Variants in ERLIN1 observed in about 807,000 individuals in gnomAD.
ERLIN1 encodes erlin-1.
A neutral mutation model predicts 46.9 loss-of-function variants in ERLIN1; 24 were observed. The observed-to-expected ratio is 0.51, with a 90% CI of 0.37 to 0.72. ERLIN1 has a LOEUF of 0.72. Ranked by LOEUF, ERLIN1 falls within the 30% of genes least tolerant of loss-of-function variation. The pLI, the probability that ERLIN1 is intolerant of heterozygous loss-of-function variation, is 0.00. For missense variants in ERLIN1, 293 were observed against 417.9 expected (o/e 0.70, Z 2.61); for synonymous variants, 158 against 143.2 (o/e 1.10, Z -0.74).
chr10:100,176,114 C>T (rs1844284391), intron 4 of ERLIN1, 44 bp from the exon 5 acceptor site: 1 of 1,563,856 alleles, frequency 6.4e-7, no homozygotes, highest in Admixed American at 1.8e-5. Context: ...CCAACAATGA[C>T]ACAGGTACCT....
In ERLIN1 at chr10:100,183,812, T is replaced by C; in HGVS notation, c.139A>G (p.Ser47Gly). The C allele has an allele frequency of 6.2e-7, 1 of 1,613,512 alleles. No homozygotes were observed. Among genetic ancestry groups the C allele is most frequent in the African/African-American group, 1.3e-5 (1 of 75,026 alleles). ...YRGGALLTSP[S>G]GPGYHIMLPF... ...AACATGATATGATAGCCTGGTCCAC[T>C]GGGGCTAGTTAGTAAAGCTCCTCCC... is the stretch of plus-strand genomic sequence containing the variant. The change falls in exon 2 of 11, where the codon AGT becomes GGT. Residue 47 changes from serine (S) to glycine (G), a missense_variant. Physicochemically the swap from Ser to Gly is moderately conservative, Grantham distance 56. Coordinates refer to ENST00000421367, the MANE Select transcript of ERLIN1 (RefSeq NM_006459.4).
chr10:100,152,521 C>T (rs1005451024), intron 10 of ERLIN1, among the ~76,000 whole-genome samples, 169 bp from the exon 11 acceptor site: 1 of 152,186 alleles, frequency 6.6e-6, no homozygotes, highest in South Asian at 2.1e-4. Context: ...TTAACAGCTG[C>T]GTTCCTGACT....
At chr10:100,171,400 T>C (rs531060782) in intron 6 of ERLIN1, among the ~76,000 whole-genome samples, 6 of 151,398 alleles carry the variant, frequency 4.0e-5, no homozygotes, top group Non-Finnish European at 8.8e-5. Flanking sequence ...GTTCTCTATA[T>C]ACAAATGCTA....
intron 2 of ERLIN1, among the ~76,000 whole-genome samples, chr10:100,181,617 C>T (rs1164364251): frequency 2.0e-5 from 3 of 149,768 alleles, no homozygotes; most frequent in Admixed American, 6.7e-5. Flanking sequence ...CAGGTTCAAG[C>T]GATTCTCCTG....
intron 6 of ERLIN1, among the ~76,000 whole-genome samples, chr10:100,168,219 G>A (rs1843756942): frequency 6.6e-6 from 1 of 152,136 alleles, no homozygotes; most frequent in Non-Finnish European, 1.5e-5. Flanking sequence ...ACACTTTGCT[G>A]GTCTGAAGAA....
chr10:100,175,502 G>C (rs1363848903), intron 5 of ERLIN1, among the ~76,000 whole-genome samples: 1 of 152,162 alleles, frequency 6.6e-6, no homozygotes, highest in Non-Finnish European at 1.5e-5. Context: ...TTGGAAGCCT[G>C]CACCTGCTTT....
intron 2 of ERLIN1, among the ~76,000 whole-genome samples, chr10:100,179,811 TAATAAG>T (rs1844533970): frequency 6.6e-6 from 1 of 152,174 alleles, no homozygotes; most frequent in Non-Finnish European, 1.5e-5. Context: ...TTCAGTCTGC[TAATAAG>T]TAGAAAACTC....
intron 6 of ERLIN1, among the ~76,000 whole-genome samples, chr10:100,173,346 T>C (rs974976354): frequency 9.2e-5 from 14 of 152,166 alleles, no homozygotes; most frequent in Non-Finnish European, 1.8e-4. Flanking sequence ...CGAATGTTAC[T>C]GACAGTGGAC....
rs1294961218 is a variant in ERLIN1, at chr10:100,161,798, G to GAT, written c.655+2204_655+2205dup. Among the ~76,000 whole-genome samples, 10 of 152,184 alleles carry GAT rather than the reference G, an allele frequency of 6.6e-5. No individual in the cohort carries two copies. In the East Asian group the frequency reaches 1.9e-3, roughly 29 times the overall value. On this transcript the variant is annotated intron_variant, in intron 8 of 10. Coordinates refer to ENST00000421367, the MANE Select transcript of ERLIN1 (RefSeq NM_006459.4). ...ATGTATAGTATCTTATTATATGATG[G>GAT]ATATGGCATTAGAAATAAGTAGAGG... is the stretch of plus-strand genomic sequence containing the variant.
chr10:100,165,426 A>G (rs894232267), intron 7 of ERLIN1, among the ~76,000 whole-genome samples: 8 of 137,900 alleles, frequency 5.8e-5, no homozygotes, highest in South Asian at 4.4e-4. Flanking sequence ...TCACTCTGTC[A>G]CCCAGGCTGG....
At chr10:100,160,363 T>C (rs1372610261) in intron 8 of ERLIN1, among the ~76,000 whole-genome samples, 1 of 152,038 alleles carries the variant, frequency 6.6e-6, no homozygotes, top group Non-Finnish European at 1.5e-5. Flanking sequence ...CATAATGATG[T>C]GATATACAAT....
intron 6 of ERLIN1, among the ~76,000 whole-genome samples, chr10:100,171,956 TGAG>T (rs1266063106): frequency 6.6e-6 from 1 of 152,160 alleles, no homozygotes; most frequent in East Asian, 1.9e-4. Context: ...ACACTGCTAA[TGAG>T]GGGGGGAGCT....
intron 6 of ERLIN1, among the ~76,000 whole-genome samples, chr10:100,169,842 G>T (rs1843885153): frequency 6.6e-6 from 1 of 151,866 alleles, no homozygotes; most frequent in Non-Finnish European, 1.5e-5. Flanking sequence ...ACACGGCAAA[G>T]GCCCATCTCT....
intron 5 of ERLIN1, among the ~76,000 whole-genome samples, chr10:100,175,077 A>T (rs961921206): frequency 1.4e-4 from 22 of 152,346 alleles, no homozygotes; most frequent in African/African-American, 5.3e-4. Flanking sequence ...GGGAAAAGTG[A>T]GCTACCAACA....
intron 6 of ERLIN1, among the ~76,000 whole-genome samples, chr10:100,169,295 T>C (rs1843849129): frequency 6.6e-6 from 1 of 151,916 alleles, no homozygotes; most frequent in Non-Finnish European, 1.5e-5. Context: ...ATAGAGTGAA[T>C]GGAGGAAAAA....
At position 100,152,143 on chromosome 10, in the gene ERLIN1, CTCTT is replaced by C. The variant is rs1484992683; in HGVS notation, c.1031_1034del (p.Lys344ArgfsTer47). 6.2e-7 allele frequency: 1 copy of C among 1,610,552 alleles called. No homozygotes were observed. Among genetic ancestry groups the C allele is most frequent in the Non-Finnish European group, 8.5e-7 (1 of 1,176,736 alleles). ...TCCACCTCTTGCATCAACCTGTGCT[CTCTT>C]TGTTTTGGATGACGTTCTCTCCAGA... On this transcript the variant is annotated frameshift_variant, in exon 11 of 11. Transcript: ENST00000421367. LOFTEE classifies it high-confidence loss of function.
Position 100,176,061 on chromosome 10 carries a change from A to G in ERLIN1, c.314T>C (p.Ile105Thr). Residue 105 changes from isoleucine (I) to threonine (T), a missense_variant, in exon 5 of 11, where the codon ATC becomes ACC. Physicochemically the swap from Ile to Thr is moderately conservative, Grantham distance 89. Transcript: ENST00000421367. ...ATAATCTGCAGTATAGTTCCTCACGATATCAAACACTGAAGGAGAGGTACA... is the reference window on the plus strand; with the variant it reads ...ATAATCTGCAGTATAGTTCCTCACGGTATCAAACACTGAAGGAGAGGTACA... ...NMLAPYAVFD[I>T]VRNYTADYDK... 6.2e-7 allele frequency: 1 copy of G among 1,612,074 alleles called. No individual in the cohort carries two copies. Among genetic ancestry groups the G allele is most frequent in the Non-Finnish European group, 8.5e-7 (1 of 1,178,932 alleles).
intron 6 of ERLIN1, among the ~76,000 whole-genome samples, chr10:100,171,002 A>T (rs1042820731): frequency 6.6e-6 from 1 of 152,232 alleles, no homozygotes; most frequent in Non-Finnish European, 1.5e-5. Flanking sequence ...TTTGGGGTTG[A>T]GGGGATGGAG....
At chr10:100,165,603 G>A (rs1439174426) in intron 7 of ERLIN1, among the ~76,000 whole-genome samples, 1 of 151,970 alleles carries the variant, frequency 6.6e-6, no homozygotes, top group East Asian at 1.9e-4. Flanking sequence ...AGCTAGGATG[G>A]TCTCGATCTC....
Sources: gnomAD v4.1 joint callset for allele counts (sites outside exome capture counted in the v4.1 genomes callset) on GRCh38, gnomAD v4.1.1 for gene constraint, MANE v1.5 for transcripts, NCBI Gene and HGNC (gene_info 2026-07-23, HGNC 2026-07-21) for gene names.